TNK2: variants seen among roughly 807,000 people sequenced by gnomAD.
TNK2 encodes activated CDC42 kinase 1.
A neutral mutation model predicts 101.8 loss-of-function variants in TNK2; 83 were observed. The ratio of observed to expected loss-of-function variants is 0.82; its 90% CI spans 0.68 to 0.98. TNK2 has a LOEUF of 0.98. Among genes scored for constraint, TNK2 ranks in the 50% least tolerant of loss-of-function variants. The pLI, the probability that TNK2 is intolerant of heterozygous loss-of-function variation, is 0.00. For synonymous variants in TNK2, 804 were observed against 633.0 expected, an observed-to-expected ratio of 1.27 and a Z score of -4.06; for missense variants, 1,665 against 1,483.2, an observed-to-expected ratio of 1.12 and a Z score of -2.01.
chr3:195,906,024 G>A (rs1409024847), intron 1 of TNK2, among the ~76,000 whole-genome samples: 1 of 152,200 alleles, frequency 6.6e-6, no homozygotes, highest in Non-Finnish European at 1.5e-5. Context: ...GATCTGAACA[G>A]ACACAGCACC....
At position 195,868,024 on chromosome 3, in the gene TNK2, T is replaced by G. The variant is rs772459516; in HGVS notation, c.2274A>C (p.Val758=). 2 of 1,585,110 alleles carry G rather than the reference T, an allele frequency of 1.3e-6. No homozygotes were observed. The highest frequency in any genetic ancestry group is 2.3e-5 in the South Asian group (2 of 88,758). The change falls in exon 13 of 16, where the codon GTA becomes GTC. Residue 758 remains valine (V), a synonymous_variant. Transcript: ENST00000672887. ...GGCGCGTGGGCCGAGGGGGGATGGG[T>G]ACCCGAGGAGGCACCTGGGGCTTGT... ...GDDKPQVPPR[V]PIPPRPTRPH...
intron 11 of TNK2, 118 bp from the exon 12 acceptor site, chr3:195,869,659 G>T: frequency 9.5e-7 from 1 of 1,058,002 alleles, no homozygotes; most frequent in Non-Finnish European, 1.4e-6. Flanking sequence ...AAGTGAATGG[G>T]GGCGAGTGAA....
In TNK2 at chr3:195,871,202, G is replaced by T. The variant is rs1038598291; in HGVS notation, c.1452-997C>A. On this transcript the variant is annotated intron_variant, in intron 10 of 15. Transcript: ENST00000672887. ...GGCCTGGCGCAAGAAGCTTCGGGGG[G>T]TGGGGGGTGGCATCCCGGAAGTGAC... Among the ~76,000 whole-genome samples, 116 of 151,922 alleles carry T rather than the reference G, an allele frequency of 7.6e-4. 1 individual carries two copies. Among genetic ancestry groups the T allele is most frequent in the African/African-American group, 2.6e-3 (106 of 41,442 alleles).
In TNK2 at chr3:195,864,080, G is replaced by A. The variant is rs1738933600; in HGVS notation, c.*101C>T. The A allele has an allele frequency of 6.6e-7, 1 of 1,521,600 alleles. No homozygotes were observed. Among genetic ancestry groups the A allele is most frequent in the Non-Finnish European group, 9.0e-7 (1 of 1,105,250 alleles). The allele number at this position is 1,521,600 out of a possible 1,614,324, so 94.3% of individuals were successfully genotyped here. ...TCCATCCCCGGGAGCAGCAGGAGCA[G>A]CGGGTCCTCCAGGACTGGATGGGGG... is the stretch of plus-strand genomic sequence containing the variant. On this transcript the variant is annotated 3_prime_UTR_variant, in exon 16 of 16. Transcript: ENST00000672887.
chr3:195,886,936 G>A lies in TNK2; in HGVS notation c.234+41C>T, dbSNP rs760007004. On this transcript the variant is annotated intron_variant, in intron 3 of 15. Transcript: ENST00000672887. The surrounding 1 kb of genome is among the most constrained non-coding windows in gnomAD (Gnocchi z 4.2). ...ACCAGAAGCGGAGGGGGGCGTTCGAGGCTGCCCCCCTCCCACCTCCTCACC... is the reference window on the plus strand; with the variant it reads ...ACCAGAAGCGGAGGGGGGCGTTCGAAGCTGCCCCCCTCCCACCTCCTCACC... 1 of 1,605,156 alleles carries A rather than the reference G, an allele frequency of 6.2e-7. No homozygotes were observed. Among genetic ancestry groups the A allele is most frequent in the Non-Finnish European group, 8.5e-7 (1 of 1,172,068 alleles).
At chr3:195,887,887 C>CGTGCATGCGTGTGT (rs1269126723) in intron 2 of TNK2, among the ~76,000 whole-genome samples, 29 of 144,946 alleles carry the variant, frequency 2.0e-4, no homozygotes, top group East Asian at 1.7e-3. Flanking sequence ...CGCGTGCGTA[C>CGTGCATGCGTGTGT]GCACGTGCAT....
At chr3:195,876,809 C>A (rs956120818) in intron 9 of TNK2, 1 of 360,274 alleles carries the variant, frequency 2.8e-6, no homozygotes, top group Non-Finnish European at 5.5e-6. Flanking sequence ...CCGGCCCCTC[C>A]CACTGCCCGC....
At chr3:195,899,467 C>G (rs755580684) in intron 1 of TNK2, among the ~76,000 whole-genome samples, 1 of 151,964 alleles carries the variant, frequency 6.6e-6, no homozygotes, top group Non-Finnish European at 1.5e-5. Flanking sequence ...GCTGAGATTA[C>G]AAGTGTGCGC....
In TNK2 at chr3:195,868,856, G is replaced by A. The variant is rs904095393; in HGVS notation, c.1589-147C>T. 47 of 963,936 alleles carry A rather than the reference G, an allele frequency of 4.9e-5. 1 individual carries two copies. The highest frequency in any genetic ancestry group is 1.3e-4 in the Admixed American group (4 of 30,632). 59.7% of individuals were successfully genotyped at this position (963,936 alleles called of 1,614,324 possible). On this transcript the variant is annotated intron_variant, in intron 12 of 15. Transcript: ENST00000672887. ...CCGAGGTCTGAGGTCAGCCACCGGC[G>A]GCCAGGTTCTCAGCGCACCTCCGAC...
chr3:195,868,501 G>A lies in TNK2; in HGVS notation c.1797C>T (p.Pro599=), dbSNP rs1256393910. ...CCAGCTGCGCCAGGGAGGGCGCGCA[G>A]GGCCGTAGGGCCGGGACCACGGGCT... ...GEEPVVPALR[P]CAPSLAQLAM... is the part of the protein sequence containing the mutation. Residue 599 remains proline, a synonymous_variant, in exon 13 of 16, where the codon CCC becomes CCT. Coordinates refer to ENST00000672887, the MANE Select transcript of TNK2 (RefSeq NM_001382273.1). 3 of 1,549,826 alleles carry A rather than the reference G, an allele frequency of 1.9e-6. No individual in the cohort carries two copies. Among genetic ancestry groups the A allele is most frequent in the Non-Finnish European group, 2.6e-6 (3 of 1,158,068 alleles).
At position 195,895,595 on chromosome 3, in the gene TNK2, G is replaced by A. The variant is rs573997750; in HGVS notation, c.-18-6989C>T. On this transcript the variant is annotated intron_variant, in intron 1 of 15. Coordinates refer to ENST00000672887, the MANE Select transcript of TNK2 (RefSeq NM_001382273.1). ...GCTCCCACCCTCTCCCAGTGAGCCA[G>A]CTGTGCCAGCCCCGGGCTGACCCCC... 150 of 1,311,714 alleles carry A rather than the reference G, an allele frequency of 1.1e-4. No homozygotes were observed. In the Admixed American group the frequency reaches 2.3e-3, roughly 21 times the overall value. The allele number at this position is 1,311,714 out of a possible 1,614,324, so 81.3% of individuals were successfully genotyped here. A position where few individuals can be genotyped will look rare whatever the true frequency, so the allele number is the denominator to read the frequency against.
At chr3:195,872,104 G>C (rs542647992) in intron 10 of TNK2, among the ~76,000 whole-genome samples, 172 bp downstream of exon 10, 1 of 152,280 alleles carries the variant, frequency 6.6e-6, no homozygotes, top group East Asian at 1.9e-4. Context: ...GGGCTTCCTA[G>C]GGTTCCACAG....
chr3:195,871,748 C>G (rs1745466239), intron 10 of TNK2, among the ~76,000 whole-genome samples: 1 of 152,218 alleles, frequency 6.6e-6, no homozygotes, highest in Non-Finnish European at 1.5e-5. Context: ...TCTCTCAGGA[C>G]CCCTGCATCT....
chr3:195,869,384 C>T, intron 12 of TNK2, 113 bp downstream of exon 12: 3 of 1,031,484 alleles, frequency 2.9e-6, no homozygotes, highest in South Asian at 2.7e-5. Context: ...TCACAGCACA[C>T]ACCCACCCAC....
chr3:195,878,089 A>C lies in TNK2; in HGVS notation c.1256+164T>G, dbSNP rs1327208585. 6.6e-6 allele frequency among the ~76,000 whole-genome samples: 1 copy of C among 151,264 alleles called. No individual in the cohort carries two copies. The highest frequency in any genetic ancestry group is 1.5e-5 in the Non-Finnish European group (1 of 67,778). On this transcript the variant is annotated intron_variant, in intron 9 of 15. Coordinates refer to ENST00000672887, the MANE Select transcript of TNK2 (RefSeq NM_001382273.1). The surrounding 1 kb of genome is among the most constrained non-coding windows in gnomAD (Gnocchi z 4.7). ...CTGGGCAGGGAAAGGCACTAGGAAG[A>C]CGGAGGCAGGCCTGTCCTCCCCTCA...
At chr3:195,883,643 T>A in intron 4 of TNK2, 1 of 229,042 alleles carries the variant, frequency 4.4e-6, no homozygotes, top group Admixed American at 4.6e-5. Context: ...TGAGACAGTC[T>A]CGCTCTTGTC....
chr3:195,897,500 C>T (rs1760735501), intron 1 of TNK2, among the ~76,000 whole-genome samples: 1 of 152,160 alleles, frequency 6.6e-6, no homozygotes, highest in South Asian at 2.1e-4. Context: ...CTTCACCCCA[C>T]ATGTTTTTTG....
At chr3:195,874,608 CCGAGGCACAAGAAGCT>C (rs1747912013) in intron 9 of TNK2, among the ~76,000 whole-genome samples, 6 of 72,124 alleles carry the variant, frequency 8.3e-5, no homozygotes, top group East Asian at 3.2e-4. Flanking sequence ...CACGCACACT[CCGAGGCACAAGAAGCT>C]CCCCTCGGGA....
At chr3:195,866,656 G>A (rs1271268329) in intron 15 of TNK2, among the ~76,000 whole-genome samples, 1 of 152,254 alleles carries the variant, frequency 6.6e-6, no homozygotes, top group Non-Finnish European at 1.5e-5. Context: ...CAACCAGAGA[G>A]GCTCCAATTC....
Sources: gnomAD v4.1 joint callset for allele counts (sites outside exome capture counted in the v4.1 genomes callset) on GRCh38, gnomAD v4.1.1 for gene constraint, Gnocchi (gnomAD v3.1) non-coding constraint, MANE v1.5 for transcripts, NCBI Gene and HGNC (gene_info 2026-07-23, HGNC 2026-07-21) for gene names.